The following WWOX variants were observed in gnomAD, a reference collection of about 807,000 sequenced individuals.
WWOX encodes WW domain-containing oxidoreductase.
Under a neutral mutation model 46.2 loss-of-function variants are expected in WWOX, and 69 were observed. That is an observed-to-expected ratio of 1.49 (90% confidence interval 1.23 to 1.82). The LOEUF (loss-of-function observed/expected upper bound fraction) is 1.82, where lower values mean the gene tolerates loss of function less well. WWOX is among the 40% of genes most tolerant of loss of function. WWOX has a pLI of 0.00. For missense variants in WWOX, 919 were observed against 542.6 expected (o/e 1.69, Z -6.89); for synonymous variants, 359 against 202.6 (o/e 1.77, Z -6.56).
chr16:78,418,564 C>A (rs962121327), intron 6 of WWOX, among the ~76,000 whole-genome samples: 2 of 152,000 alleles, frequency 1.3e-5, no homozygotes, highest in African/African-American at 4.8e-5. Context: ...GTACAAAATG[C>A]TAGCAAGCCA....
chr16:78,452,152 C>G (rs1006604783), intron 8 of WWOX, among the ~76,000 whole-genome samples: 5 of 152,184 alleles, frequency 3.3e-5, no homozygotes, highest in Non-Finnish European at 5.9e-5. Context: ...CACAGAATCT[C>G]TTAATACCAG....
chr16:78,991,173 A>G (rs2046879587), intron 8 of WWOX, among the ~76,000 whole-genome samples: 1 of 152,190 alleles, frequency 6.6e-6, no homozygotes, highest in Non-Finnish European at 1.5e-5. Flanking sequence ...GTCAAAGTCA[A>G]AGAAGAAATT....
intron 6 of WWOX, among the ~76,000 whole-genome samples, chr16:78,413,273 T>C (rs2082724252): frequency 6.6e-6 from 1 of 152,146 alleles, no homozygotes; most frequent in African/African-American, 2.4e-5. Context: ...GTGCTGATTG[T>C]CTCACGTGTC....
At chr16:79,097,405 A>G (rs914024551) in intron 8 of WWOX, among the ~76,000 whole-genome samples, 1 of 151,730 alleles carries the variant, frequency 6.6e-6, no homozygotes, top group Admixed American at 6.6e-5. Context: ...GAGTCTAGCA[A>G]TTAGCAGGAA....
chr16:78,947,380 C>G (rs79781201), intron 8 of WWOX, among the ~76,000 whole-genome samples: 10 of 145,062 alleles, frequency 6.9e-5, no homozygotes, highest in Admixed American at 2.0e-4. Flanking sequence ...CTCTTCCCCC[C>G]CTTAGCTGTA....
intron 1 of WWOX, among the ~76,000 whole-genome samples, chr16:78,103,543 A>T (rs2031940534): frequency 6.6e-6 from 1 of 152,018 alleles, no homozygotes; most frequent in African/African-American, 2.4e-5. Flanking sequence ...GTGTTAGCTT[A>T]GGATGCCTCT....
At chr16:79,089,504 G>T (rs1449650878) in intron 8 of WWOX, among the ~76,000 whole-genome samples, 2 of 151,944 alleles carry the variant, frequency 1.3e-5, no homozygotes, top group Admixed American at 6.6e-5. Flanking sequence ...GCTAATTTTT[G>T]TATTTTTAAT....
At chr16:78,193,029 T>C (rs894610507) in intron 5 of WWOX, among the ~76,000 whole-genome samples, 1 of 152,212 alleles carries the variant, frequency 6.6e-6, no homozygotes, top group Non-Finnish European at 1.5e-5. Context: ...GGGTGGGCTT[T>C]CCTGGGCTCA....
At position 78,480,536 on chromosome 16, in the gene WWOX, A is replaced by G. The variant is rs62036361; in HGVS notation, c.1056+47784A>G. ...TCACAGATGAGGAAAGAGATGTGCTAAGAAAAGAGGTGGCAGAGTAGGGAT... is the reference window on the plus strand; with the variant it reads ...TCACAGATGAGGAAAGAGATGTGCTGAGAAAAGAGGTGGCAGAGTAGGGAT... On this transcript the variant is annotated intron_variant, in intron 8 of 8. Transcript: ENST00000566780. Among the ~76,000 whole-genome samples, 1,260 of 152,360 alleles carry G rather than the reference A, an allele frequency of 8.3e-3. 2 individuals carry two copies. The highest frequency in any genetic ancestry group is 0.017 in the Middle Eastern group (5 of 294).
intron 3 of WWOX, among the ~76,000 whole-genome samples, chr16:78,112,311 C>T (rs1037270363): frequency 3.3e-5 from 5 of 152,154 alleles, no homozygotes; most frequent in Admixed American, 2.0e-4. Flanking sequence ...CCAAAGCATT[C>T]GACCACATTT....
chr16:78,971,275 C>G (rs543513069), intron 8 of WWOX, among the ~76,000 whole-genome samples: 1 of 151,642 alleles, frequency 6.6e-6, no homozygotes, highest in African/African-American at 2.4e-5. Context: ...ACCAGCCTGG[C>G]CAACATGGTG....
intron 8 of WWOX, among the ~76,000 whole-genome samples, chr16:79,093,417 T>C (rs1489709999): frequency 1.3e-5 from 2 of 152,236 alleles, no homozygotes; most frequent in Admixed American, 1.3e-4. Flanking sequence ...TGGCTTATTG[T>C]GACCCAACAT....
At chr16:78,725,831 C>A (rs2048817319) in intron 8 of WWOX, among the ~76,000 whole-genome samples, 1 of 152,018 alleles carries the variant, frequency 6.6e-6, no homozygotes, top group African/African-American at 2.4e-5. Flanking sequence ...CTTGGTGTTC[C>A]TTGGCTTGTA....
At chr16:78,167,273 C>G (rs1356066596) in intron 5 of WWOX, 1 of 152,156 alleles carries the variant, frequency 6.6e-6, no homozygotes, top group African/African-American at 2.4e-5. Context: ...GCCTCTGGAT[C>G]TATTTGGAGC....
chr16:78,521,518 T>C (rs1266002312), intron 8 of WWOX, among the ~76,000 whole-genome samples: 1 of 152,210 alleles, frequency 6.6e-6, no homozygotes, highest in Non-Finnish European at 1.5e-5. Context: ...GGGCTAATTA[T>C]GTGTTTAGGT....
At chr16:78,961,480 G>GATGC (rs778035917) in intron 8 of WWOX, among the ~76,000 whole-genome samples, 6 of 152,132 alleles carry the variant, frequency 3.9e-5, no homozygotes, top group Non-Finnish European at 8.8e-5. Flanking sequence ...TGGATGGATG[G>GATGC]ATAGGTAGAT....
intron 8 of WWOX, among the ~76,000 whole-genome samples, chr16:78,523,647 TAA>T (rs1382879911): frequency 2.0e-5 from 3 of 152,228 alleles, no homozygotes; most frequent in Admixed American, 2.0e-4. Context: ...TCGCTTTTCG[TAA>T]TGTGGTACAG....
Position 78,345,666 on chromosome 16 carries a change from A to G in WWOX, c.517-41194A>G, listed in dbSNP as rs1214886981. The stretch of plus-strand genomic sequence containing the variant: ...AAAAAAAAAAAAAAAAAAAAAAAGT[A>G]AAATAAAGCATGGGAAGTCCCTTAT... On this transcript the variant is annotated intron_variant, in intron 5 of 8. Transcript: ENST00000566780. Among the ~76,000 whole-genome samples the G allele has an allele frequency of 7.7e-5, 8 of 103,778 alleles. 3 individuals are homozygous for G. 68.1% of individuals were successfully genotyped at this position (103,778 alleles called of 152,430 possible). A position where few individuals can be genotyped will look rare whatever the true frequency, so the allele number is the denominator to read the frequency against.
intron 8 of WWOX, among the ~76,000 whole-genome samples, chr16:78,634,871 TG>T (rs2046530655): frequency 6.9e-6 from 1 of 145,924 alleles, no homozygotes; most frequent in Admixed American, 6.8e-5. Context: ...TGTGTGTGTG[TG>T]TGCGCGTGCA....
Sources: gnomAD v4.1 joint callset for allele counts (sites outside exome capture counted in the v4.1 genomes callset) on GRCh38, gnomAD v4.1.1 for gene constraint, MANE v1.5 for transcripts, NCBI Gene and HGNC (gene_info 2026-07-23, HGNC 2026-07-21) for gene names.